Variants in ABCA13 observed in about 807,000 individuals in gnomAD.
ABCA13 encodes ATP-binding cassette sub-family A member 13.
ABCA13 carries 476 observed loss-of-function variants against 478.7 expected under a neutral mutation model. That is an observed-to-expected ratio of 0.99 (90% CI 0.92 to 1.07). The LOEUF (loss-of-function observed/expected upper bound fraction) is 1.07, where lower values mean the gene tolerates loss of function less well. Among genes scored for constraint, ABCA13 ranks in the 50% least tolerant of loss-of-function variants. The probability of loss-of-function intolerance (pLI) is 0.00; values close to 1 mark genes in which losing one functional copy is unlikely to be tolerated. For synonymous variants in ABCA13, 2,252 were observed against 2,158.9 expected (o/e 1.04, Z -1.20); for missense variants, 6,060 against 5,910.6 (o/e 1.03, Z -0.83).
chr7:48,325,747 T>C (rs1383154121), intron 27 of ABCA13, among the ~76,000 whole-genome samples: 1 of 152,148 alleles, frequency 6.6e-6, no homozygotes, highest in Non-Finnish European at 1.5e-5. Flanking sequence ...CTCTAAAGAA[T>C]GCAGCAATGG....
chr7:48,558,115 T>C (rs926611705), intron 55 of ABCA13, among the ~76,000 whole-genome samples: 6 of 149,128 alleles, frequency 4.0e-5, no homozygotes, highest in Middle Eastern at 3.4e-3. Flanking sequence ...AGTATGTCAA[T>C]TGTACCTTCC....
Position 48,354,288 on chromosome 7 carries a change from C to T in ABCA13, c.10688+1801C>T, listed in dbSNP as rs150163508. Among the ~76,000 whole-genome samples the T allele has an allele frequency of 1.5e-4, 23 of 152,104 alleles. No homozygotes were observed. In the East Asian group the frequency reaches 3.1e-3, roughly 20 times the overall value. On this transcript the variant is annotated intron_variant, in intron 31 of 61. Transcript: ENST00000435803. ...GGGAACATGACAATTCCCTCTGCTC[C>T]GGTTCACAGGAGGAGACTGGGGGTT...
At position 48,274,502 on chromosome 7, in the gene ABCA13, C is replaced by G; in HGVS notation, c.4836C>G (p.Leu1612=). 1.2e-6 allele frequency: 2 copies of G among 1,613,790 alleles called. No individual in the cohort carries two copies. Among genetic ancestry groups the G allele is most frequent in the South Asian group, 1.1e-5 (1 of 91,080 alleles). ...SYLAFSLSHD[L]QNSPKIIISP... Reference sequence around the variant, plus strand: ...TTGCCTTCAGCTTATCTCATGACCTCCAAAATTCACCAAAAATAATAATTT... The same window carrying G: ...TTGCCTTCAGCTTATCTCATGACCTGCAAAATTCACCAAAAATAATAATTT... The change falls in exon 17 of 62, where the codon CTC becomes CTG. Residue 1612 remains leucine, a synonymous_variant. Coordinates refer to ENST00000435803, the MANE Select transcript of ABCA13 (RefSeq NM_152701.5).
intron 3 of ABCA13, among the ~76,000 whole-genome samples, chr7:48,208,798 T>A (rs186961676): frequency 8.5e-5 from 13 of 152,312 alleles, no homozygotes; most frequent in Admixed American, 7.8e-4. Context: ...TTCCCTTTAT[T>A]TCTTTCTGTT....
Position 48,643,348 on chromosome 7 carries a change from T to C in ABCA13, c.14898T>C (p.Thr4966=). ...GTAAGGAAGCAAATCAACATTGCAC[T>C]GTTTCTGACCACTTGAAGCTTTATT... ...WLCKEANQHC[T]VSDHLKLYFP... is the part of the protein sequence containing the mutation. The change falls in exon 60 of 62, where the codon ACT becomes ACC. Residue 4966 remains threonine, a synonymous_variant. Transcript: ENST00000435803. 1 of 1,613,790 alleles carries C rather than the reference T, an allele frequency of 6.2e-7. No homozygotes were observed. Among genetic ancestry groups the C allele is most frequent in the Non-Finnish European group, 8.5e-7 (1 of 1,179,752 alleles).
rs139477718 is a variant in ABCA13, at chr7:48,225,462, C to T, written c.469-1800C>T. Among the ~76,000 whole-genome samples the T allele has an allele frequency of 2.6e-4, 39 of 152,238 alleles. 2 individuals are homozygous for T. Among genetic ancestry groups the T allele is most frequent in the African/African-American group, 9.2e-4 (38 of 41,530 alleles). On this transcript the variant is annotated intron_variant, in intron 5 of 61. Transcript: ENST00000435803. ...AATTATTAGAATCAGAAAATTAACA[C>T]TAATACAATAGAATTATTTAACCTA...
intron 40 of ABCA13, among the ~76,000 whole-genome samples, chr7:48,411,736 G>A (rs947962240): frequency 2.6e-5 from 4 of 152,154 alleles, no homozygotes; most frequent in Admixed American, 6.5e-5. Flanking sequence ...CACATCTGTA[G>A]TCATCATTGC....
At position 48,317,271 on chromosome 7, in the gene ABCA13, C is replaced by T; in HGVS notation, c.9974C>T (p.Pro3325Leu). ...HGKILYTPNT[P>L]EINKVIQKAN... ...AAAATACTATACACACCAAACACTC[C>T]AGAAATTAACAAGGTCATTCAAAAG... is the stretch of plus-strand genomic sequence containing the variant. Residue 3325 changes from proline to leucine, a missense_variant, in exon 27 of 62, where the codon CCA becomes CTA. By Grantham distance (98) the Pro-to-Leu change is moderately conservative. Coordinates refer to ENST00000435803, the MANE Select transcript of ABCA13 (RefSeq NM_152701.5). The T allele has an allele frequency of 6.2e-7, 1 of 1,613,188 alleles. No homozygotes were observed. Among genetic ancestry groups the T allele is most frequent in the African/African-American group, 1.3e-5 (1 of 74,990 alleles).
Position 48,279,780 on chromosome 7 carries a change from A to T in ABCA13, c.8586A>T (p.Thr2862=). 1 of 1,607,120 alleles carries T rather than the reference A, an allele frequency of 6.2e-7. No homozygotes were observed. Among genetic ancestry groups the T allele is most frequent in the Non-Finnish European group, 8.5e-7 (1 of 1,178,206 alleles). ...AAGCAACCACCGGAAAGAATGTCACATCAGAAAAAGAAGAGAGAACCAAGA... is the reference window on the plus strand; with the variant it reads ...AAGCAACCACCGGAAAGAATGTCACTTCAGAAAAAGAAGAGAGAACCAAGA... ...FIKATTGKNV[T]SEKEERTKKE... Residue 2862 remains threonine (T), a synonymous_variant, in exon 18 of 62, where the codon ACA becomes ACT. Transcript: ENST00000435803.
At chr7:48,365,882 A>G (rs193110099) in intron 31 of ABCA13, among the ~76,000 whole-genome samples, 79 of 152,314 alleles carry the variant, frequency 5.2e-4, no homozygotes, top group African/African-American at 1.8e-3. Flanking sequence ...AAGATATCCT[A>G]TGCTTATTGA....
chr7:48,448,970 G>A (rs990975616), intron 42 of ABCA13, among the ~76,000 whole-genome samples: 7 of 152,042 alleles, frequency 4.6e-5, no homozygotes, highest in Admixed American at 3.9e-4. Flanking sequence ...AGCCTCCTGA[G>A]TAGCTGGGAT....
At chr7:48,231,458 A>G (rs529117156) in intron 7 of ABCA13, among the ~76,000 whole-genome samples, 1 of 152,254 alleles carries the variant, frequency 6.6e-6, no homozygotes, top group South Asian at 2.1e-4. Context: ...TACAGTGGGC[A>G]GTAGCAGGGG....
rs542171696 is a variant in ABCA13, at chr7:48,532,009, G to T, written c.14354+3664G>T. 4.6e-5 allele frequency among the ~76,000 whole-genome samples: 7 copies of T among 152,062 alleles called. No individual in the cohort carries two copies. In the East Asian group the frequency reaches 1.2e-3, roughly 25 times the overall value. The stretch of plus-strand genomic sequence containing the variant: ...CTTTATTTTTTTCTCCTGTGTGATT[G>T]CTCTGGCTAGGACTTCCAGTATTAT... On this transcript the variant is annotated intron_variant, in intron 55 of 61. Transcript: ENST00000435803.
rs1799269678 is a variant in ABCA13 at position 48,295,758 on chromosome 7, A to T, written c.9014A>T (p.Asn3005Ile). 1.2e-6 allele frequency: 2 copies of T among 1,614,070 alleles called. No homozygotes were observed. The highest frequency in any genetic ancestry group is 1.3e-5 in the African/African-American group (1 of 75,068). The change falls in exon 21 of 62, where the codon AAT (asparagine) becomes ATT (isoleucine). Residue 3005 changes from asparagine to isoleucine, a missense_variant. By Grantham distance (149) the Asn-to-Ile change is moderately radical (BLOSUM62 -3). Transcript: ENST00000435803. ...CTAAATTGTGAAAGTCTTAGCAAGAATCTTTCTAGCACCTTGGAGAGCTTC... is the reference window on the plus strand; with the variant it reads ...CTAAATTGTGAAAGTCTTAGCAAGATTCTTTCTAGCACCTTGGAGAGCTTC... ...NQLNCESLSK[N>I]LSSTLESFKS...
intron 1 of ABCA13, among the ~76,000 whole-genome samples, chr7:48,185,712 T>C (rs1430619766): frequency 6.6e-6 from 1 of 152,162 alleles, no homozygotes; most frequent in Non-Finnish European, 1.5e-5. Flanking sequence ...AAATCATATG[T>C]TATTTAAAAA....
chr7:48,281,454 T>A lies in ABCA13; in HGVS notation c.8836+2T>A. The A allele has an allele frequency of 6.3e-7, 1 of 1,587,870 alleles. No individual in the cohort carries two copies. Among genetic ancestry groups the A allele is most frequent in the East Asian group, 2.3e-5 (1 of 43,804 alleles). ...TACGTGTGCTCACCATCGTTGCAGGTGGGCTGCTCATATAACAAGTGCTCT... is the reference window on the plus strand; with the variant it reads ...TACGTGTGCTCACCATCGTTGCAGGAGGGCTGCTCATATAACAAGTGCTCT... On this transcript the variant is annotated splice_donor_variant, in intron 19 of 61. Coordinates refer to ENST00000435803, the MANE Select transcript of ABCA13 (RefSeq NM_152701.5). LOFTEE classifies it high-confidence loss of function.
In ABCA13 at chr7:48,171,503, A is replaced by G. The variant is rs1368541617; in HGVS notation, c.20A>G (p.Gln7Arg). 1.3e-6 allele frequency: 2 copies of G among 1,536,202 alleles called. No individual in the cohort carries two copies. The highest frequency in any genetic ancestry group is 2.4e-5 in the East Asian group (1 of 40,912). The change falls in exon 1 of 62, where the codon CAG (glutamine) becomes CGG (arginine). Residue 7 changes from glutamine (Q) to arginine (R), a missense_variant. Gln to Arg is a conservative substitution (Grantham distance 43). Around this residue, in one of 3 missense-constraint regions of ABCA13, gnomAD observed 4,423 missense variants for 4,309.1 expected, o/e 1.03. Coordinates refer to ENST00000435803, the MANE Select transcript of ABCA13 (RefSeq NM_152701.5). ...GCAGGCATGGGGCATGCCGGGTGCCAGTTCAAAGCCCTGCTGTGGAAGAAT... is the reference window on the plus strand; with the variant it reads ...GCAGGCATGGGGCATGCCGGGTGCCGGTTCAAAGCCCTGCTGTGGAAGAAT... MGHAGCQFKALLWKNWL... is the reference protein window; with the variant it reads MGHAGCRFKALLWKNWL...
At chr7:48,629,328 G>T (rs1793947779) in intron 59 of ABCA13, among the ~76,000 whole-genome samples, 1 of 152,082 alleles carries the variant, frequency 6.6e-6, no homozygotes, top group African/African-American at 2.4e-5. Flanking sequence ...CTAGGCACAA[G>T]AAAACATAGC....
intron 6 of ABCA13, among the ~76,000 whole-genome samples, chr7:48,228,878 C>G (rs1032791826): frequency 6.6e-6 from 1 of 152,124 alleles, no homozygotes; most frequent in South Asian, 2.1e-4. Flanking sequence ...CTGAGAGATG[C>G]AAAATTTAAA....
Sources: gnomAD v4.1 joint callset for allele counts (sites outside exome capture counted in the v4.1 genomes callset) on GRCh38, gnomAD v4.1.1 for gene constraint, gnomAD v4.1.1 regional missense constraint, MANE v1.5 for transcripts, NCBI Gene and HGNC (gene_info 2026-07-23, HGNC 2026-07-21) for gene names.